Variants in C6orf52 observed in about 807,000 individuals in gnomAD.
C6orf52 encodes the protein putative uncharacterized protein C6orf52.
In C6orf52, 16 loss-of-function variants were observed where a neutral mutation model predicts 16.6. The ratio of observed to expected loss-of-function variants is 0.96; its 90% CI spans 0.65 to 1.46. C6orf52 has a LOEUF of 1.46. Ranked by LOEUF, C6orf52 falls within the 40% of genes most tolerant of loss-of-function variation. C6orf52 has a pLI of 0.00. For synonymous variants in C6orf52, 53 were observed against 61.4 expected, an observed-to-expected ratio of 0.86 and a Z score of 0.64; for missense variants, 166 against 182.3, an observed-to-expected ratio of 0.91 and a Z score of 0.52.
chr6:10,681,665 CT>C (rs963672986), intron 4 of C6orf52, among the ~76,000 whole-genome samples: 1 of 152,208 alleles, frequency 6.6e-6, no homozygotes. Flanking sequence ...AATGTCCCCA[CT>C]TTACAGAAAC....
chr6:10,672,480 G>T, intron 4 of C6orf52: 2 of 648,876 alleles, frequency 3.1e-6, no homozygotes, highest in South Asian at 1.7e-5. Context: ...ATAAGAGTTG[G>T]GTGCTGGTCT....
intron 4 of C6orf52, chr6:10,674,826 T>TG: frequency 6.6e-6 from 1 of 150,404 alleles, no homozygotes; most frequent in South Asian, 2.1e-4. Context: ...TTTTTTTTTT[T>TG]GAGACGGAGT....
chr6:10,676,211 A>C (rs1346698022), intron 4 of C6orf52, among the ~76,000 whole-genome samples: 2 of 152,214 alleles, frequency 1.3e-5, no homozygotes, highest in Admixed American at 1.3e-4. Context: ...TTGAAATAAA[A>C]ATTTTTTTAA....
intron 1 of C6orf52, among the ~76,000 whole-genome samples, chr6:10,692,699 T>A (rs1769443435): frequency 6.6e-6 from 1 of 152,170 alleles, no homozygotes; most frequent in Non-Finnish European, 1.5e-5. Flanking sequence ...ATTACAGGCA[T>A]GCGTGAGCCA....
intron 4 of C6orf52, among the ~76,000 whole-genome samples, chr6:10,674,993 T>TAG (rs1055612510): frequency 6.6e-6 from 1 of 152,018 alleles, no homozygotes; most frequent in Admixed American, 6.6e-5. Context: ...GTATCTTTAA[T>TAG]AGAGATGAGG....
intron 4 of C6orf52, among the ~76,000 whole-genome samples, chr6:10,671,878 T>C (rs1302645697): frequency 6.6e-6 from 1 of 152,046 alleles, no homozygotes; most frequent in Non-Finnish European, 1.5e-5. Context: ...TGGATTCAAT[T>C]TGGGAGGAAA....
intron 4 of C6orf52, among the ~76,000 whole-genome samples, chr6:10,682,445 T>A (rs1022725623): frequency 6.6e-6 from 1 of 152,178 alleles, no homozygotes; most frequent in Admixed American, 6.5e-5. Flanking sequence ...CCTACTGACA[T>A]GTGAACTCTC....
At chr6:10,676,718 G>A (rs539007243) in intron 4 of C6orf52, among the ~76,000 whole-genome samples, 7 of 152,328 alleles carry the variant, frequency 4.6e-5, no homozygotes, top group African/African-American at 1.7e-4. Context: ...CCTCAAGCCT[G>A]CCTGTAAAAT....
At chr6:10,687,769 T>TG (rs1490622720) in intron 1 of C6orf52, among the ~76,000 whole-genome samples, 1 of 152,100 alleles carries the variant, frequency 6.6e-6, no homozygotes, top group Admixed American at 6.5e-5. Flanking sequence ...CTGAGGCACC[T>TG]GGGGGAACTT....
intron 1 of C6orf52, among the ~76,000 whole-genome samples, chr6:10,689,574 G>A (rs977237612): frequency 1.3e-5 from 2 of 152,208 alleles, no homozygotes; most frequent in African/African-American, 4.8e-5. Context: ...AGCAAGATGT[G>A]GCCAGGTGGT....
At chr6:10,688,210 TAA>T (rs544066476) in intron 1 of C6orf52, among the ~76,000 whole-genome samples, 2,878 of 151,162 alleles carry the variant, frequency 0.019, 76 homozygotes, top group African/African-American at 0.066. Context: ...TTTTTTTTTT[TAA>T]AAAAAGCATA....
chr6:10,694,806 C>T (rs1017804109), upstream of C6orf52: 27 of 554,550 alleles, frequency 4.9e-5, no homozygotes, highest in African/African-American at 4.5e-4. Flanking sequence ...TCCATGTGAC[C>T]TCCCCGCGCT....
At chr6:10,681,537 T>C (rs1265347963) in intron 4 of C6orf52, among the ~76,000 whole-genome samples, 2 of 152,234 alleles carry the variant, frequency 1.3e-5, no homozygotes, top group African/African-American at 2.4e-5. Flanking sequence ...TACTGACCAG[T>C]ACTGTGCCAG....
chr6:10,677,972 G>A (rs2127462587), intron 4 of C6orf52, among the ~76,000 whole-genome samples: 1 of 151,860 alleles, frequency 6.6e-6, no homozygotes, highest in East Asian at 2.0e-4. Flanking sequence ...GAGGTCAGGA[G>A]TTCAAGACCA....
intron 3 of C6orf52, among the ~76,000 whole-genome samples, chr6:10,686,479 A>C (rs1051392036): frequency 8.5e-5 from 13 of 152,218 alleles, no homozygotes; most frequent in African/African-American, 3.1e-4. Flanking sequence ...GATTTGAGAA[A>C]TATGTCACTT....
chr6:10,689,726 T>C (rs968865101), intron 1 of C6orf52, among the ~76,000 whole-genome samples: 1 of 152,176 alleles, frequency 6.6e-6, no homozygotes, highest in Admixed American at 6.5e-5. Context: ...TCTGCAGCTA[T>C]CTTGGACTAT....
chr6:10,671,465 G>A lies in C6orf52; in HGVS notation c.450C>T (p.Thr150=). The A allele has an allele frequency of 1.3e-6, 2 of 1,540,556 alleles. No homozygotes were observed. Among genetic ancestry groups the A allele is most frequent in the Non-Finnish European group, 1.7e-6 (2 of 1,144,150 alleles). The part of the protein sequence containing the change: ...DTVHSEIPDE[T]PK ...TAATGAACACCTTGCTTCACTTCGG[G>A]GTCTCATCTGGGATTTCGGAGTGAA... The change falls in exon 5 of 5, where the codon ACC becomes ACT. Residue 150 remains threonine, a synonymous_variant. Coordinates refer to ENST00000259983, the MANE Select transcript of C6orf52 (RefSeq NM_001145020.3).
At chr6:10,688,754 C>G (rs1328732786) in intron 1 of C6orf52, among the ~76,000 whole-genome samples, 1 of 152,186 alleles carries the variant, frequency 6.6e-6, no homozygotes, top group East Asian at 1.9e-4. Flanking sequence ...CCAGTAGTAT[C>G]CAGCATGTGG....
chr6:10,694,598 A>ATGTGT lies in C6orf52; in HGVS notation c.-117_-116insACACA. On this transcript the variant is annotated 5_prime_UTR_variant, in exon 1 of 5. Transcript: ENST00000259983. Reference sequence around the variant, plus strand: ...GCACGCTGCCGGCGCTACAGCCCCTAAGCAACCGGCCGGAAGTCGGCCCCA... The same window carrying ATGTGT: ...GCACGCTGCCGGCGCTACAGCCCCTATGTGTAGCAACCGGCCGGAAGTCGGCCCCA... The ATGTGT allele has an allele frequency of 5.8e-6, 1 of 172,166 alleles. No individual in the cohort carries two copies. 10.7% of individuals were successfully genotyped at this position (172,166 alleles called of 1,614,324 possible).
Sources: gnomAD v4.1 joint callset for allele counts (sites outside exome capture counted in the v4.1 genomes callset) on GRCh38, gnomAD v4.1.1 for gene constraint, MANE v1.5 for transcripts, NCBI Gene and HGNC (gene_info 2026-07-23, HGNC 2026-07-21) for gene names.